ACVR1: variants seen among roughly 807,000 people sequenced by gnomAD.
ACVR1 encodes activin receptor type-1.
A neutral mutation model predicts 57.1 loss-of-function variants in ACVR1; 38 were observed. That is an observed-to-expected ratio of 0.67 (90% CI 0.51 to 0.87). ACVR1 has a LOEUF of 0.87. Ranked by LOEUF, ACVR1 falls within the 40% of genes least tolerant of loss-of-function variation. The probability of loss-of-function intolerance (pLI) is 0.00; values close to 1 mark genes in which losing one functional copy is unlikely to be tolerated. For synonymous variants in ACVR1, 212 were observed against 228.1 expected, an observed-to-expected ratio of 0.93 and a Z score of 0.63; for missense variants, 463 against 638.2, an observed-to-expected ratio of 0.73 and a Z score of 2.96.
intron 2 of ACVR1, among the ~76,000 whole-genome samples, chr2:157,810,353 T>C (rs536190962): frequency 6.6e-6 from 1 of 152,226 alleles, no homozygotes; most frequent in African/African-American, 2.4e-5. Flanking sequence ...TGTAAGAACA[T>C]GATGGGGGAC....
rs1452451986 is a variant in ACVR1 at position 157,851,591 on chromosome 2, GA to G, written c.-183+24204del. Among the ~76,000 whole-genome samples the G allele has an allele frequency of 3.3e-5, 5 of 152,208 alleles. No individual in the cohort carries two copies. In the South Asian group the frequency reaches 8.3e-4, roughly 25 times the overall value. On this transcript the variant is annotated intron_variant, in intron 1 of 10. Transcript: ENST00000434821. ...ATTATACTCTATATTCTGTATAGCTGAAAAGAACTGTGATCAAAGGATAAAT... is the reference window on the plus strand; with the variant it reads ...ATTATACTCTATATTCTGTATAGCTGAAAGAACTGTGATCAAAGGATAAAT...
At chr2:157,835,070 G>A in intron 1 of ACVR1, among the ~76,000 whole-genome samples, 1 of 152,094 alleles carries the variant, frequency 6.6e-6, no homozygotes, top group East Asian at 1.9e-4. Flanking sequence ...TAGCCCAAAT[G>A]GACTAAAACA....
chr2:157,830,640 C>T (rs542878593), intron 1 of ACVR1, among the ~76,000 whole-genome samples: 1 of 150,552 alleles, frequency 6.6e-6, no homozygotes, highest in South Asian at 2.1e-4. Context: ...GAAAACAAAA[C>T]TTGAAATACT....
In ACVR1 at chr2:157,780,548, G is replaced by A; in HGVS notation, c.120C>T (p.Leu40=). 1.2e-6 allele frequency: 2 copies of A among 1,613,882 alleles called. No homozygotes were observed. The highest frequency in any genetic ancestry group is 4.5e-5 in the East Asian group (2 of 44,858). The stretch of plus-strand genomic sequence containing the variant: ...CACAGTGGTCCTCATTACCGCAGGA[G>A]AGACCTTCACACACACACATGTAGA... ...PKLYMCVCEG[L]SCGNEDHCEG... Residue 40 remains leucine, a synonymous_variant, in exon 4 of 11, where the codon CTC becomes CTT. Coordinates refer to ENST00000434821, the MANE Select transcript of ACVR1 (RefSeq NM_001111067.4).
At position 157,864,182 on chromosome 2, in the gene ACVR1, G is replaced by GA. The variant is rs1467593596; in HGVS notation, c.-183+11613dup. Reference sequence around the variant, plus strand: ...CTGCCTTGCAGGAGCAAATTCTAAAGAAAAAATGCAGTATGGGAAATAAAG... The same window carrying GA: ...CTGCCTTGCAGGAGCAAATTCTAAAGAAAAAAATGCAGTATGGGAAATAAAG... On this transcript the variant is annotated intron_variant, in intron 1 of 10. Coordinates refer to ENST00000434821, the MANE Select transcript of ACVR1 (RefSeq NM_001111067.4). 3.3e-5 allele frequency among the ~76,000 whole-genome samples: 5 copies of GA among 151,238 alleles called. No homozygotes were observed. In the East Asian group the frequency reaches 5.8e-4, roughly 18 times the overall value.
At chr2:157,825,116 A>G (rs771669458) in intron 1 of ACVR1, among the ~76,000 whole-genome samples, 5 of 152,042 alleles carry the variant, frequency 3.3e-5, no homozygotes, top group Non-Finnish European at 7.4e-5. Context: ...TTCCCTATGC[A>G]AGGCCCACTG....
rs555146435 is a variant in ACVR1 at position 157,765,607 on chromosome 2, A to ATAC, written c.1066+311_1066+313dup. ...CAAATAATGCATTCTTGTCAATGAT[A>ATAC]TACTAGTGTACATGCTGAAATCATC... On this transcript the variant is annotated intron_variant, in intron 8 of 10. Transcript: ENST00000434821. Among the ~76,000 whole-genome samples, 85 of 152,386 alleles carry ATAC rather than the reference A, an allele frequency of 5.6e-4. No individual in the cohort carries two copies. In the East Asian group the frequency reaches 0.011, roughly 20 times the overall value.
At chr2:157,790,439 T>C (rs1485084395) in intron 3 of ACVR1, among the ~76,000 whole-genome samples, 1 of 152,206 alleles carries the variant, frequency 6.6e-6, no homozygotes, top group Non-Finnish European at 1.5e-5. Flanking sequence ...GCCTGGGTTA[T>C]TCTGAGCTGG....
intron 1 of ACVR1, among the ~76,000 whole-genome samples, chr2:157,841,366 G>A (rs189651352): frequency 6.6e-6 from 1 of 152,204 alleles, no homozygotes; most frequent in Non-Finnish European, 1.5e-5. Context: ...GTTATAAGGG[G>A]ATAGGATGAA....
chr2:157,761,832 T>A (rs926620155), intron 8 of ACVR1, among the ~76,000 whole-genome samples: 1 of 152,220 alleles, frequency 6.6e-6, no homozygotes, highest in Non-Finnish European at 1.5e-5. Context: ...CTGATGCATA[T>A]GCAGACTGAC....
chr2:157,824,998 A>T (rs1478194597), intron 1 of ACVR1, among the ~76,000 whole-genome samples: 1 of 152,076 alleles, frequency 6.6e-6, no homozygotes, highest in Non-Finnish European at 1.5e-5. Context: ...TGCCCACCTC[A>T]GTCTCTCAAA....
chr2:157,816,175 A>G (rs1156980879), intron 2 of ACVR1, among the ~76,000 whole-genome samples: 2 of 152,248 alleles, frequency 1.3e-5, no homozygotes, highest in Non-Finnish European at 2.9e-5. Context: ...AAATATCTGT[A>G]TAAGAAAAGG....
At chr2:157,758,249 C>G (rs1685508979) in intron 9 of ACVR1, among the ~76,000 whole-genome samples, 1 of 151,962 alleles carries the variant, frequency 6.6e-6, no homozygotes, top group Non-Finnish European at 1.5e-5. Context: ...GGTCAGTATA[C>G]TGTGCTCCCT....
At chr2:157,840,969 C>T (rs1048428760) in intron 1 of ACVR1, among the ~76,000 whole-genome samples, 2 of 152,258 alleles carry the variant, frequency 1.3e-5, no homozygotes, top group African/African-American at 4.8e-5. Context: ...TATAAATAGC[C>T]TCCTGGCTGT....
At chr2:157,773,561 A>C (rs1251078551) in intron 6 of ACVR1, among the ~76,000 whole-genome samples, 1 of 152,256 alleles carries the variant, frequency 6.6e-6, no homozygotes, top group African/African-American at 2.4e-5. Context: ...GTCTACATAC[A>C]AATATGTTCA....
chr2:157,754,509 G>T (rs1685340725), intron 9 of ACVR1, among the ~76,000 whole-genome samples: 1 of 152,086 alleles, frequency 6.6e-6, no homozygotes, highest in Non-Finnish European at 1.5e-5. Context: ...AAACCTAGAG[G>T]AGATAGATAA....
chr2:157,740,184 CA>C (rs34588062), intron 9 of ACVR1, among the ~76,000 whole-genome samples: 51,638 of 128,378 alleles, frequency 0.4, 11,038 homozygotes, highest in African/African-American at 0.66. Flanking sequence ...GATTCTGTCT[CA>C]AAAAAAAAAA....
At chr2:157,785,822 C>T (rs1013295273) in intron 3 of ACVR1, among the ~76,000 whole-genome samples, 6 of 152,242 alleles carry the variant, frequency 3.9e-5, no homozygotes, top group Middle Eastern at 6.8e-3. Flanking sequence ...TGTATTCTTC[C>T]GCCAATGTTC....
At chr2:157,765,550 G>A (rs1685831987) in intron 8 of ACVR1, among the ~76,000 whole-genome samples, 1 of 151,884 alleles carries the variant, frequency 6.6e-6, no homozygotes. Flanking sequence ...ATATCTCACA[G>A]TATATAAATT....
Sources: gnomAD v4.1 joint callset for allele counts (sites outside exome capture counted in the v4.1 genomes callset) on GRCh38, gnomAD v4.1.1 for gene constraint, MANE v1.5 for transcripts, NCBI Gene and HGNC (gene_info 2026-07-23, HGNC 2026-07-21) for gene names.